Variants in CCDC85C observed in about 807,000 individuals in gnomAD.
CCDC85C encodes coiled-coil domain containing 85C, also known as coiled-coil domain-containing protein 85C.
Under a neutral mutation model 38.3 loss-of-function variants are expected in CCDC85C, and 18 were observed. The observed-to-expected ratio is 0.47, with a 90% CI of 0.33 to 0.70. CCDC85C has a LOEUF of 0.70. Among genes scored for constraint, CCDC85C ranks in the 30% least tolerant of loss-of-function variants. CCDC85C has a pLI of 0.03. For missense variants in CCDC85C, 566 were observed against 621.2 expected, an observed-to-expected ratio of 0.91 and a Z score of 0.94; for synonymous variants, 264 against 293.8, an observed-to-expected ratio of 0.90 and a Z score of 1.04.
In CCDC85C at chr14:99,502,428, CT is replaced by C. The variant is rs1896855640; in HGVS notation, c.*12817del. The C allele has an allele frequency of 6.3e-7, 1 of 1,587,532 alleles. No homozygotes were observed. The highest frequency in any genetic ancestry group is 1.2e-5 in the South Asian group (1 of 86,110). ...GAGGGTGTTCCATGTTGAGATGATT[CT>C]TCCATGTGTACCCTGAGTCCCAAGA... is the stretch of plus-strand genomic sequence containing the variant. On this transcript the variant is annotated 3_prime_UTR_variant, in exon 6 of 6. Coordinates refer to ENST00000380243, the MANE Select transcript of CCDC85C (RefSeq NM_001144995.2).
chr14:99,523,144 C>A (rs1469803786), intron 2 of CCDC85C, among the ~76,000 whole-genome samples: 3 of 152,180 alleles, frequency 2.0e-5, no homozygotes, highest in Admixed American at 2.0e-4. Context: ...TCCCATAAAT[C>A]AGCAGGCTGT....
Position 99,565,471 on chromosome 14 carries a change from A to T in CCDC85C, c.794-29383T>A, listed in dbSNP as rs1411551780. ...TAGAACCCTCTACAAGAGATCATCT[A>T]AAACCTTAGTAGCACTGGCCTGGAC... is the stretch of plus-strand genomic sequence containing the variant. On this transcript the variant is annotated intron_variant, in intron 1 of 5. Coordinates refer to ENST00000380243, the MANE Select transcript of CCDC85C (RefSeq NM_001144995.2). 2.6e-5 allele frequency among the ~76,000 whole-genome samples: 4 copies of T among 152,256 alleles called. No homozygotes were observed. In the East Asian group the frequency reaches 7.7e-4, roughly 29 times the overall value.
chr14:99,574,020 A>G (rs1309565473), intron 1 of CCDC85C, among the ~76,000 whole-genome samples: 4 of 152,184 alleles, frequency 2.6e-5, no homozygotes, highest in African/African-American at 9.7e-5. Context: ...TGCCATTTGG[A>G]ACTGGCATTT....
chr14:99,503,671 A>C lies in CCDC85C; in HGVS notation c.*11575T>G. 6.5e-7 allele frequency: 1 copy of C among 1,542,592 alleles called. No individual in the cohort carries two copies. Among genetic ancestry groups the C allele is most frequent in the Non-Finnish European group, 8.8e-7 (1 of 1,139,740 alleles). On this transcript the variant is annotated 3_prime_UTR_variant, in exon 6 of 6. Coordinates refer to ENST00000380243, the MANE Select transcript of CCDC85C (RefSeq NM_001144995.2). Reference sequence around the variant, plus strand: ...TAATTTCCTGTTCTGATGTTTTTTTAGTTTTATGTGTTTATATGCAAAACT... The same window carrying C: ...TAATTTCCTGTTCTGATGTTTTTTTCGTTTTATGTGTTTATATGCAAAACT...
chr14:99,577,963 C>T (rs1050028743), intron 1 of CCDC85C, among the ~76,000 whole-genome samples: 1 of 145,972 alleles, frequency 6.9e-6, no homozygotes, highest in African/African-American at 2.6e-5. Context: ...TACACCCATA[C>T]AGCCCATCCT....
At chr14:99,590,703 C>G (rs1402081730) in intron 1 of CCDC85C, among the ~76,000 whole-genome samples, 3 of 152,174 alleles carry the variant, frequency 2.0e-5, no homozygotes, top group East Asian at 3.9e-4. Flanking sequence ...AGCAAGTGTC[C>G]CAGCCAAGTC....
rs1897770092 is a variant in CCDC85C at position 99,544,489 on chromosome 14, G to GGGGT, written c.794-8402_794-8401insACCC. Among the ~76,000 whole-genome samples, 1 of 147,920 alleles carries GGGGT rather than the reference G, an allele frequency of 6.8e-6. No individual in the cohort carries two copies. The highest frequency in any genetic ancestry group is 2.5e-5 in the African/African-American group (1 of 40,368). On this transcript the variant is annotated intron_variant, in intron 1 of 5. Coordinates refer to ENST00000380243, the MANE Select transcript of CCDC85C (RefSeq NM_001144995.2). The surrounding 1 kb of genome is among the most constrained non-coding windows in gnomAD (Gnocchi z 5.3). ...ATAAAAACAGGGCTAAAATTTGAAG[G>GGGGT]GTGTGTGTGTGTGTGTGTGTGTGTG...
chr14:99,582,915 C>T (rs1479723738), intron 1 of CCDC85C: 1 of 152,168 alleles, frequency 6.6e-6, no homozygotes, highest in African/African-American at 2.4e-5. Flanking sequence ...GTAATGAATG[C>T]ACAAGACCAG....
At chr14:99,582,627 C>A (rs988260715) in intron 1 of CCDC85C, among the ~76,000 whole-genome samples, 1 of 152,078 alleles carries the variant, frequency 6.6e-6, no homozygotes, top group African/African-American at 2.4e-5. Flanking sequence ...ACCAGCCTAG[C>A]CAACATGGTG....
chr14:99,599,422 C>T (rs1002808723), intron 1 of CCDC85C, among the ~76,000 whole-genome samples: 4 of 152,010 alleles, frequency 2.6e-5, no homozygotes, highest in Non-Finnish European at 2.9e-5. Flanking sequence ...AGGAGACAGG[C>T]GGAGGGGCAG....
intron 1 of CCDC85C, among the ~76,000 whole-genome samples, chr14:99,577,346 C>A (rs17095107): frequency 0.028 from 4,155 of 147,340 alleles, 203 homozygotes; most frequent in African/African-American, 0.098. Context: ...AGAGGGCTGA[C>A]GGCGTGTCCA....
rs930439635 is a variant in CCDC85C at position 99,603,274 on chromosome 14, G to A, written c.686C>T (p.Pro229Leu). The change falls in exon 1 of 6, where the codon CCC becomes CTC. Residue 229 changes from proline to leucine, a missense_variant. By Grantham distance (98) the Pro-to-Leu change is moderately conservative. Transcript: ENST00000380243. This position sits in a 1 kb window ranked among gnomAD's most constrained non-coding sequence, Gnocchi z 7.5. ...GTCGGGGGCCTTGTGCGGCCCGGGG[G>A]GCAGCAGCGGGGGTGGGACGTGGTG... The part of the protein sequence containing the change: ...HHHHVPPPLL[P>L]PGPHKAPDGK... 8 of 1,382,290 alleles carry A rather than the reference G, an allele frequency of 5.8e-6. No individual in the cohort carries two copies. Among genetic ancestry groups the A allele is most frequent in the African/African-American group, 4.6e-5 (3 of 65,832 alleles). 85.6% of individuals were successfully genotyped at this position (1,382,290 alleles called of 1,614,324 possible).
At chr14:99,593,130 C>A (rs1030506293) in intron 1 of CCDC85C, among the ~76,000 whole-genome samples, 11 of 152,226 alleles carry the variant, frequency 7.2e-5, no homozygotes, top group African/African-American at 2.7e-4. Context: ...CGGTGCCGTG[C>A]GCGGTGACAG....
intron 2 of CCDC85C, among the ~76,000 whole-genome samples, chr14:99,526,681 G>A (rs997547809): frequency 1.3e-5 from 2 of 152,206 alleles, no homozygotes; most frequent in Non-Finnish European, 2.9e-5. Flanking sequence ...GAAGCACTGT[G>A]GGAGCTCCCA....
intron 1 of CCDC85C, among the ~76,000 whole-genome samples, chr14:99,550,955 C>A (rs760850695): frequency 1.1e-3 from 166 of 152,344 alleles, no homozygotes; most frequent in Non-Finnish European, 1.9e-3. Context: ...ACCAATCCAG[C>A]AAAGGCTACC....
In CCDC85C at chr14:99,569,201, C is replaced by G. The variant is rs1258457916; in HGVS notation, c.794-33113G>C. Among the ~76,000 whole-genome samples, 1 of 152,230 alleles carries G rather than the reference C, an allele frequency of 6.6e-6. No individual in the cohort carries two copies. Among genetic ancestry groups the G allele is most frequent in the African/African-American group, 2.4e-5 (1 of 41,456 alleles). ...AGTAAGGCCCACGTCGACCCATCTT[C>G]GTGAAGGAAGACCTAAATCCTCCCA... On this transcript the variant is annotated intron_variant, in intron 1 of 5. Coordinates refer to ENST00000380243, the MANE Select transcript of CCDC85C (RefSeq NM_001144995.2). The surrounding 1 kb of genome is among the most constrained non-coding windows in gnomAD (Gnocchi z 4.3).
chr14:99,601,400 C>A (rs1211386225), intron 1 of CCDC85C, among the ~76,000 whole-genome samples: 2 of 152,178 alleles, frequency 1.3e-5, no homozygotes, highest in Non-Finnish European at 2.9e-5. Context: ...ACATGCTGAG[C>A]CAGACTGGGG....
In CCDC85C at chr14:99,533,382, T is replaced by C. The variant is rs906298761; in HGVS notation, c.867+2633A>G. On this transcript the variant is annotated intron_variant, in intron 2 of 5. Coordinates refer to ENST00000380243, the MANE Select transcript of CCDC85C (RefSeq NM_001144995.2). This position sits in a 1 kb window ranked among gnomAD's most constrained non-coding sequence, Gnocchi z 4.2. Reference sequence around the variant, plus strand: ...AGATACAAGCTCCTTCAGCGACCACTCCAGCAGCATGGCTTGACTGGGCAT... The same window carrying C: ...AGATACAAGCTCCTTCAGCGACCACCCCAGCAGCATGGCTTGACTGGGCAT... Among the ~76,000 whole-genome samples the C allele has an allele frequency of 6.6e-5, 10 of 152,190 alleles. No individual in the cohort carries two copies. The highest frequency in any genetic ancestry group is 2.4e-4 in the African/African-American group (10 of 41,462).
chr14:99,502,143 T>A lies in CCDC85C; in HGVS notation c.*13103A>T. ...TTAATGGTTAGTTATGGCATCTCCA[T>A]GCACTGGTTTAATCATAAATATTAG... On this transcript the variant is annotated 3_prime_UTR_variant, in exon 6 of 6. Coordinates refer to ENST00000380243, the MANE Select transcript of CCDC85C (RefSeq NM_001144995.2). 1 of 1,484,946 alleles carries A rather than the reference T, an allele frequency of 6.7e-7. No homozygotes were observed. Among genetic ancestry groups the A allele is most frequent in the African/African-American group, 1.4e-5 (1 of 70,926 alleles). 92.0% of individuals were successfully genotyped at this position (1,484,946 alleles called of 1,614,324 possible). A position where few individuals can be genotyped will look rare whatever the true frequency, so the allele number is the denominator to read the frequency against.
Sources: allele counts gnomAD v4.1 joint callset (sites outside exome capture counted in the v4.1 genomes callset), GRCh38; gene constraint gnomAD v4.1.1; non-coding constraint Gnocchi (gnomAD v3.1); transcripts MANE v1.5; gene names NCBI Gene and HGNC (gene_info 2026-07-23, HGNC 2026-07-21).